NRXN1: variants seen among roughly 807,000 people sequenced by gnomAD.
NRXN1 encodes the protein neurexin-1.
In NRXN1, 39 loss-of-function variants were observed where a neutral mutation model predicts 150.9. The observed-to-expected ratio is 0.26, with a 90% CI of 0.20 to 0.34. NRXN1 has a LOEUF of 0.34. NRXN1 is among the 10% of genes least tolerant of loss of function. The pLI is 1.00. For missense variants in NRXN1, 1,815 were observed against 1,949.9 expected, an observed-to-expected ratio of 0.93 and a Z score of 1.30; for synonymous variants, 924 against 757.0, an observed-to-expected ratio of 1.22 and a Z score of -3.62.
intron 12 of NRXN1, among the ~76,000 whole-genome samples, chr2:50,508,168 C>T (rs2092318541): frequency 6.6e-6 from 1 of 152,068 alleles, no homozygotes. Context: ...GTATCCTTGG[C>T]TGGTGTATCT....
intron 17 of NRXN1, among the ~76,000 whole-genome samples, chr2:50,320,698 A>T (rs1304141041): frequency 6.6e-6 from 1 of 151,880 alleles, no homozygotes; most frequent in Non-Finnish European, 1.5e-5. Context: ...TCGAATATGA[A>T]ATTCAGCTCA....
intron 17 of NRXN1, among the ~76,000 whole-genome samples, chr2:50,325,807 G>A (rs1479981119): frequency 1.3e-5 from 2 of 152,178 alleles, no homozygotes; most frequent in Admixed American, 1.3e-4. Context: ...TATTTTATAT[G>A]TTTGTAACCC....
At position 49,986,597 on chromosome 2, in the gene NRXN1, T is replaced by A. The variant is rs569258085; in HGVS notation, c.4129-42806A>T. On this transcript the variant is annotated intron_variant, in intron 21 of 22. Coordinates refer to ENST00000401669, the MANE Select transcript of NRXN1 (RefSeq NM_001330078.2). ...TGAGAATGAAAAGGGTAAAGTTTTT[T>A]CTTTTTTTGTTGACATATAATAACT... Among the ~76,000 whole-genome samples the A allele has an allele frequency of 2.0e-5, 3 of 152,304 alleles. No homozygotes were observed. The South Asian group carries it at 6.2e-4, about 32-fold the overall frequency.
chr2:51,001,407 G>C (rs1274029591), intron 2 of NRXN1, among the ~76,000 whole-genome samples: 2 of 151,774 alleles, frequency 1.3e-5, no homozygotes, highest in African/African-American at 4.8e-5. Flanking sequence ...AAGTGCATCT[G>C]CAAGTCTTTT....
chr2:50,395,732 G>T (rs1158467729), intron 17 of NRXN1, among the ~76,000 whole-genome samples: 1 of 152,128 alleles, frequency 6.6e-6, no homozygotes, highest in East Asian at 1.9e-4. Flanking sequence ...ACTCCATGAG[G>T]TATAAGGTTC....
intron 5 of NRXN1, among the ~76,000 whole-genome samples, chr2:50,678,461 C>T (rs533090202): frequency 4.3e-4 from 66 of 152,230 alleles, no homozygotes; most frequent in African/African-American, 1.6e-3. Flanking sequence ...AAGATAACTC[C>T]TTTCTGAGTA....
chr2:49,962,008 C>A (rs111308981), intron 21 of NRXN1, among the ~76,000 whole-genome samples: 1 of 151,776 alleles, frequency 6.6e-6, no homozygotes, highest in African/African-American at 2.4e-5. Context: ...TGGAGGAGGC[C>A]GAGGCAGGAG....
chr2:50,687,530 C>G (rs182195943), intron 5 of NRXN1, among the ~76,000 whole-genome samples: 21 of 152,214 alleles, frequency 1.4e-4, no homozygotes, highest in Admixed American at 2.6e-4. Context: ...CTCAGCTTCC[C>G]CTTTGCTGTT....
At chr2:50,960,946 T>C (rs529395307) in intron 2 of NRXN1, among the ~76,000 whole-genome samples, 1 of 152,118 alleles carries the variant, frequency 6.6e-6, no homozygotes, top group South Asian at 2.1e-4. Flanking sequence ...TAAGCAACTG[T>C]CTCTGTTAAT....
intron 12 of NRXN1, among the ~76,000 whole-genome samples, chr2:50,520,017 A>C (rs1280211120): frequency 6.6e-6 from 1 of 152,000 alleles, no homozygotes; most frequent in Non-Finnish European, 1.5e-5. Flanking sequence ...AACGGGGTGC[A>C]AAACATTCCT....
intron 17 of NRXN1, among the ~76,000 whole-genome samples, chr2:50,323,860 A>C (rs980345210): frequency 6.6e-6 from 1 of 152,320 alleles, no homozygotes; most frequent in Admixed American, 6.5e-5. Flanking sequence ...TTTTAACAAA[A>C]GTGGATCAAA....
chr2:50,593,677 G>A (rs1410883507), intron 8 of NRXN1, among the ~76,000 whole-genome samples: 2 of 152,062 alleles, frequency 1.3e-5, no homozygotes, highest in African/African-American at 4.8e-5. Flanking sequence ...CAAAGGGGAA[G>A]GTGATCAAAA....
Position 50,649,112 on chromosome 2 carries a change from T to C in NRXN1, c.833-25497A>G, listed in dbSNP as rs141267635. Among the ~76,000 whole-genome samples the C allele has an allele frequency of 2.6e-5, 4 of 152,160 alleles. No individual in the cohort carries two copies. In the East Asian group the frequency reaches 7.8e-4, roughly 29 times the overall value. On this transcript the variant is annotated intron_variant, in intron 5 of 22. Coordinates refer to ENST00000401669, the MANE Select transcript of NRXN1 (RefSeq NM_001330078.2). ...CACTCTGCCTGAGAGTTTCTATTTTTACTTTATGAACCCATAGGACTGATG... is the reference window on the plus strand; with the variant it reads ...CACTCTGCCTGAGAGTTTCTATTTTCACTTTATGAACCCATAGGACTGATG...
At chr2:50,798,675 A>G (rs928929140) in intron 5 of NRXN1, among the ~76,000 whole-genome samples, 1 of 152,216 alleles carries the variant, frequency 6.6e-6, no homozygotes, top group African/African-American at 2.4e-5. Context: ...GTAAAGAAAT[A>G]TCAGAAATGG....
At chr2:50,091,518 G>T in intron 18 of NRXN1, 24 bp from the exon 19 acceptor site, 1 of 1,612,558 alleles carries the variant, frequency 6.2e-7, no homozygotes, top group African/African-American at 1.3e-5. Context: ...GGGGAAAAAA[G>T]AGTTGAATTA....
chr2:50,358,082 C>T (rs898243632), intron 17 of NRXN1, among the ~76,000 whole-genome samples: 2 of 152,292 alleles, frequency 1.3e-5, no homozygotes, highest in African/African-American at 4.8e-5. Context: ...TCTTCACCAC[C>T]GACAGACCAG....
At chr2:50,479,986 C>G (rs1475136450) in intron 15 of NRXN1, among the ~76,000 whole-genome samples, 1 of 152,020 alleles carries the variant, frequency 6.6e-6, no homozygotes, top group Non-Finnish European at 1.5e-5. Flanking sequence ...GTTGGCCAGG[C>G]TAGTCTCAAA....
intron 17 of NRXN1, among the ~76,000 whole-genome samples, chr2:50,442,306 A>T (rs192063747): frequency 1.7e-4 from 26 of 152,244 alleles, no homozygotes; most frequent in African/African-American, 6.0e-4. Context: ...TAAGGTCTAT[A>T]TATATGAAAT....
At chr2:50,980,276 G>C (rs1325816689) in intron 2 of NRXN1, among the ~76,000 whole-genome samples, 1 of 152,036 alleles carries the variant, frequency 6.6e-6, no homozygotes, top group African/African-American at 2.4e-5. Context: ...CCTGAAGAAA[G>C]TAATGGCAAA....
Sources: allele counts gnomAD v4.1 joint callset (sites outside exome capture counted in the v4.1 genomes callset), GRCh38; gene constraint gnomAD v4.1.1; transcripts MANE v1.5; gene names NCBI Gene and HGNC (gene_info 2026-07-23, HGNC 2026-07-21).